The following KANSL3 variants were observed in gnomAD, a reference collection of about 807,000 sequenced individuals.
The protein encoded by KANSL3 is KAT8 regulatory NSL complex subunit 3.
In KANSL3, 16 loss-of-function variants were observed where a neutral mutation model predicts 89.2. That is an observed-to-expected ratio of 0.18 (90% CI 0.12 to 0.27). The LOEUF is 0.27. Ranked by LOEUF, KANSL3 falls within the 10% of genes least tolerant of loss-of-function variation. The probability of loss-of-function intolerance (pLI) is 1.00; values close to 1 mark genes in which losing one functional copy is unlikely to be tolerated. For synonymous variants in KANSL3, 385 were observed against 419.7 expected (o/e 0.92, Z 1.01); for missense variants, 879 against 1,110.6 (o/e 0.79, Z 2.96).
chr2:96,583,217 C>A, the KANSL3 span, among the ~76,000 whole-genome samples: 2 of 152,218 alleles, frequency 1.3e-5, no homozygotes, highest in Non-Finnish European at 2.9e-5. Flanking sequence ...GATTCTGTGG[C>A]TCTCCAGCAG....
At chr2:96,607,516 A>T (rs2068181611) in intron 14 of KANSL3, among the ~76,000 whole-genome samples, 1 of 152,186 alleles carries the variant, frequency 6.6e-6, no homozygotes, top group Non-Finnish European at 1.5e-5. Context: ...TCAGAAGTGT[A>T]AAGACACACT....
chr2:96,609,907 C>T lies in KANSL3; in HGVS notation c.1320-345G>A, dbSNP rs1055888611. Among the ~76,000 whole-genome samples the T allele has an allele frequency of 6.7e-5, 9 of 133,670 alleles. No individual in the cohort carries two copies. In the East Asian group the frequency reaches 6.8e-4, roughly 10 times the overall value. 87.7% of individuals were successfully genotyped at this position (133,670 alleles called of 152,430 possible). On this transcript the variant is annotated intron_variant, in intron 11 of 20. Coordinates refer to ENST00000431828, the MANE Select transcript of KANSL3 (RefSeq NM_001115016.3). The stretch of plus-strand genomic sequence containing the variant: ...CGGAGGTTGCAGTGAGCTGAGATTG[C>T]ACCACTGCAGTCCAGCATAGGCGAC...
chr2:96,612,482 C>A lies in KANSL3; in HGVS notation c.994G>T (p.Val332Leu). 1 of 1,613,892 alleles carries A rather than the reference C, an allele frequency of 6.2e-7. No individual in the cohort carries two copies. Residue 332 changes from valine (V) to leucine (L), a missense_variant, in exon 8 of 21, where the codon GTG (valine) becomes TTG (leucine). Around this residue, in one of 6 missense-constraint regions of KANSL3, gnomAD observed 198 missense variants for 260.3 expected, o/e 0.76. Transcript: ENST00000431828. ...CTCACCTCCAGCACTTTGCTTCTCA[C>A]TGCCCCAATCATATGCTCGAGACAC... ...LQCLEHMIGA[V>L]RSKVLEIHSH... is the part of the protein sequence containing the mutation.
chr2:96,603,203 C>G, intron 17 of KANSL3: 1 of 204,312 alleles, frequency 4.9e-6, no homozygotes, highest in Non-Finnish European at 9.9e-6. Flanking sequence ...CCAACTTTCA[C>G]TTCGCCTCAC....
In KANSL3 at chr2:96,612,497, G is replaced by A; in HGVS notation, c.979C>T (p.His327Tyr). 6.2e-7 allele frequency: 1 copy of A among 1,613,900 alleles called. No homozygotes were observed. Among genetic ancestry groups the A allele is most frequent in the Non-Finnish European group, 8.5e-7 (1 of 1,179,848 alleles). Reference sequence around the variant, plus strand: ...TTGCTTCTCACTGCCCCAATCATATGCTCGAGACACTGTAGAACTCCTACC... The same window carrying A: ...TTGCTTCTCACTGCCCCAATCATATACTCGAGACACTGTAGAACTCCTACC... ...SGVGVLQCLE[H>Y]MIGAVRSKVL... is the part of the protein sequence containing the mutation. Residue 327 changes from histidine (H) to tyrosine (Y), a missense_variant, in exon 8 of 21, where the codon CAT (histidine) becomes TAT (tyrosine). Physicochemically the swap from His to Tyr is moderately conservative, Grantham distance 83. Transcript: ENST00000431828.
chr2:96,603,976 T>A (rs2067576748), intron 17 of KANSL3: 2 of 304,756 alleles, frequency 6.6e-6, no homozygotes, highest in Non-Finnish European at 1.2e-5. Flanking sequence ...ATATGTCCTA[T>A]CGGCTATTTC....
chr2:96,632,944 A>C lies in KANSL3; in HGVS notation c.216-1462T>G, dbSNP rs1196758966. 4.2e-5 allele frequency among the ~76,000 whole-genome samples: 6 copies of C among 143,824 alleles called. No homozygotes were observed. In the East Asian group the frequency reaches 6.3e-4, roughly 15 times the overall value. 94.4% of individuals were successfully genotyped at this position (143,824 alleles called of 152,430 possible). A position where few individuals can be genotyped will look rare whatever the true frequency, so the allele number is the denominator to read the frequency against. On this transcript the variant is annotated intron_variant, in intron 2 of 20. Transcript: ENST00000431828. ...TTGCGCCACTGCACTCCAGACTGGG[A>C]GACAGAGCGAGACTCCATCTCAAAA...
intron 10 of KANSL3, 33 bp downstream of exon 10, chr2:96,611,031 A>G: frequency 6.2e-7 from 1 of 1,608,862 alleles, no homozygotes; most frequent in Non-Finnish European, 8.5e-7. Flanking sequence ...CCCACTGCCA[A>G]TGACCCAGCA....
chr2:96,612,904 T>A lies in KANSL3; in HGVS notation c.826A>T (p.Ile276Phe). Reference sequence around the variant, plus strand: ...GAGCTGGAGGGACCAGAGGAGGCGATGAGAATCAGCGGAGAGCCAGGGAGT... The same window carrying A: ...GAGCTGGAGGGACCAGAGGAGGCGAAGAGAATCAGCGGAGAGCCAGGGAGT... ...SKLPGSPLIL[I>F]ASSGPSSSVF... The change falls in exon 7 of 21, where the codon ATC (isoleucine) becomes TTC (phenylalanine). Residue 276 changes from isoleucine (I) to phenylalanine (F), a missense_variant. Ile to Phe is a conservative substitution (Grantham distance 21, BLOSUM62 0). Transcript: ENST00000431828. 2 of 1,561,878 alleles carry A rather than the reference T, an allele frequency of 1.3e-6. No individual in the cohort carries two copies. Among genetic ancestry groups the A allele is most frequent in the African/African-American group, 2.7e-5 (2 of 73,788 alleles).
chr2:96,589,207 T>C (rs965469348), downstream of KANSL3, among the ~76,000 whole-genome samples: 1 of 152,214 alleles, frequency 6.6e-6, no homozygotes, highest in Admixed American at 6.5e-5. Context: ...ACTTAAGGCC[T>C]AACATTACCT....
Position 96,605,334 on chromosome 2 carries a change from C to T in KANSL3, c.1919G>A (p.Gly640Glu). Reference protein sequence around the residue: ...TAGGPCAPSQGSAPEAAGGKP... With the variant: ...TAGGPCAPSQESAPEAAGGKP... ...GAGAAACTCACCTTCTGGAGCACTT[C>T]CTTGGGAAGGAGCACAAGGCCCTCC... The change falls in exon 15 of 21, where the codon GGA (glycine) becomes GAA (glutamate). Residue 640 changes from glycine (G) to glutamate (E), a missense_variant. Coordinates refer to ENST00000431828, the MANE Select transcript of KANSL3 (RefSeq NM_001115016.3). 1 of 1,610,742 alleles carries T rather than the reference C, an allele frequency of 6.2e-7. No homozygotes were observed. Among genetic ancestry groups the T allele is most frequent in the African/African-American group, 1.3e-5 (1 of 74,974 alleles).
rs1321934444 is a variant in KANSL3 at position 96,604,238 on chromosome 2, G to A, written c.2149+12C>T. 7 of 1,592,904 alleles carry A rather than the reference G, an allele frequency of 4.4e-6. No homozygotes were observed. Among genetic ancestry groups the A allele is most frequent in the Non-Finnish European group, 5.1e-6 (6 of 1,171,570 alleles). The stretch of plus-strand genomic sequence containing the variant: ...CTGTGTTGGAAGGGGAGAATGCTGG[G>A]CCACAAGATACCTGGGAGGGAGCTG... On this transcript the variant is annotated intron_variant, in intron 17 of 20. Coordinates refer to ENST00000431828, the MANE Select transcript of KANSL3 (RefSeq NM_001115016.3).
chr2:96,633,698 T>C (rs2073839114), intron 2 of KANSL3, among the ~76,000 whole-genome samples: 1 of 151,992 alleles, frequency 6.6e-6, no homozygotes. Flanking sequence ...AAACCTCGTC[T>C]CTACTAAACA....
At chr2:96,589,558 C>A (rs1427146805), downstream of KANSL3, among the ~76,000 whole-genome samples, 2 of 152,164 alleles carry the variant, frequency 1.3e-5, no homozygotes, top group Non-Finnish European at 2.9e-5. Context: ...GTAATAAAAA[C>A]TGACAGAACT....
chr2:96,609,198 C>A, intron 12 of KANSL3, 134 bp from the exon 13 acceptor site: 1 of 848,154 alleles, frequency 1.2e-6, no homozygotes, highest in Non-Finnish European at 1.8e-6. Flanking sequence ...CCCACTCAAA[C>A]AAGGTCTGGC....
At chr2:96,632,800 A>T (rs1227616068) in intron 2 of KANSL3, among the ~76,000 whole-genome samples, 1 of 152,052 alleles carries the variant, frequency 6.6e-6, no homozygotes, top group Non-Finnish European at 1.5e-5. Flanking sequence ...CCCCGTCTCT[A>T]CTAAAAATAC....
In KANSL3 at chr2:96,619,628, T is replaced by C. The variant is rs765463000; in HGVS notation, c.477+44A>G. 2.5e-6 allele frequency: 4 copies of C among 1,597,422 alleles called. No homozygotes were observed. The African/African-American group carries it at 4.0e-5, about 16-fold the overall frequency. On this transcript the variant is annotated intron_variant, in intron 4 of 20. Transcript: ENST00000431828. ...GACAAGTCAGTCAGCCAGTGAGGCCTGAACTACGAAGAGCCCACTGTGGGC... is the reference window on the plus strand; with the variant it reads ...GACAAGTCAGTCAGCCAGTGAGGCCCGAACTACGAAGAGCCCACTGTGGGC...
At chr2:96,634,612 G>T (rs566016375) in intron 2 of KANSL3, among the ~76,000 whole-genome samples, 5 of 152,012 alleles carry the variant, frequency 3.3e-5, no homozygotes, top group Admixed American at 2.0e-4. Context: ...CAAATACTAT[G>T]CCAAACAAAC....
intron 3 of KANSL3, among the ~76,000 whole-genome samples, chr2:96,629,193 G>A (rs1008621709): frequency 1.6e-4 from 24 of 152,224 alleles, no homozygotes; most frequent in South Asian, 2.1e-4. Flanking sequence ...TATTACCATC[G>A]TCGTTATTTT....
Sources: allele counts gnomAD v4.1 joint callset (sites outside exome capture counted in the v4.1 genomes callset), GRCh38; gene constraint gnomAD v4.1.1; regional missense constraint gnomAD v4.1.1; transcripts MANE v1.5; gene names NCBI Gene and HGNC (gene_info 2026-07-23, HGNC 2026-07-21).